The following NDC1 variants were observed in gnomAD, a reference collection of about 807,000 sequenced individuals.
NDC1 encodes NDC1 transmembrane nucleoporin.
NDC1 carries 24 observed loss-of-function variants against 89.8 expected under a neutral mutation model. That is an observed-to-expected ratio of 0.27 (90% CI 0.19 to 0.38). The LOEUF (loss-of-function observed/expected upper bound fraction) is 0.38, where lower values mean the gene tolerates loss of function less well. Ranked by LOEUF, NDC1 falls within the 10% of genes least tolerant of loss-of-function variation. The pLI is 1.00. For missense variants in NDC1, 728 were observed against 797.6 expected (o/e 0.91, Z 1.05); for synonymous variants, 296 against 284.8 (o/e 1.04, Z -0.39).
intron 14 of NDC1, among the ~76,000 whole-genome samples, chr1:53,791,335 C>T (rs572074627): frequency 1.3e-5 from 2 of 151,572 alleles, no homozygotes; most frequent in South Asian, 2.1e-4. Flanking sequence ...AGGAGAATGG[C>T]GTGAACTTGG....
At position 53,804,151 on chromosome 1, in the gene NDC1, CCTTT is replaced by C. The variant is rs201762491; in HGVS notation, c.985-146_985-143del. 2.2e-3 allele frequency: 1,389 copies of C among 620,416 alleles called. 21 individuals carry two copies. The East Asian group carries it at 0.033, about 15-fold the overall frequency. 38.4% of individuals were successfully genotyped at this position (620,416 alleles called of 1,614,324 possible). A position where few individuals can be genotyped will look rare whatever the true frequency, so the allele number is the denominator to read the frequency against. On this transcript the variant is annotated intron_variant, in intron 9 of 17. Transcript: ENST00000371429. ...AAAAAAATCTCAGAACCATAACCTT[CCTTT>C]CTAGACTTCCAGAACTTTCCTGCCT...
At chr1:53,836,987 G>A (rs1174965554) in intron 1 of NDC1, among the ~76,000 whole-genome samples, 1 of 152,148 alleles carries the variant, frequency 6.6e-6, no homozygotes, top group Non-Finnish European at 1.5e-5. Flanking sequence ...TTTTGCTTCA[G>A]AAGACACTGT....
intron 11 of NDC1, among the ~76,000 whole-genome samples, chr1:53,797,823 C>A (rs1157123034): frequency 2.0e-5 from 3 of 151,890 alleles, no homozygotes; most frequent in Admixed American, 1.3e-4. Flanking sequence ...GAGACAGATT[C>A]GCCATGTTTC....
At chr1:53,791,292 G>A (rs567666287) in intron 14 of NDC1, among the ~76,000 whole-genome samples, 1 of 152,252 alleles carries the variant, frequency 6.6e-6, no homozygotes, top group African/African-American at 2.4e-5. Flanking sequence ...GGTGGCAGGT[G>A]CCTGTAGTCC....
chr1:53,822,042 G>T (rs1648684635), intron 5 of NDC1, among the ~76,000 whole-genome samples: 1 of 151,974 alleles, frequency 6.6e-6, no homozygotes, highest in Non-Finnish European at 1.5e-5. Flanking sequence ...TACACTCCTG[G>T]TAACTCACAG....
intron 6 of NDC1, among the ~76,000 whole-genome samples, chr1:53,811,511 G>A (rs1431858492): frequency 6.6e-6 from 1 of 152,040 alleles, no homozygotes; most frequent in Non-Finnish European, 1.5e-5. Flanking sequence ...CCACTTCCCT[G>A]ACAGCCTGCA....
intron 16 of NDC1, among the ~76,000 whole-genome samples, chr1:53,773,945 C>A (rs928339241): frequency 6.6e-6 from 1 of 152,156 alleles, no homozygotes; most frequent in Non-Finnish European, 1.5e-5. Context: ...CTCACCCAAA[C>A]CTCTTTATTT....
At position 53,824,827 on chromosome 1, in the gene NDC1, T is replaced by C. The variant is rs1648791589; in HGVS notation, c.594+971A>G. Among the ~76,000 whole-genome samples, 3 of 152,204 alleles carry C rather than the reference T, an allele frequency of 2.0e-5. No individual in the cohort carries two copies. The South Asian group carries it at 6.2e-4, about 32-fold the overall frequency. ...GAAAATGATAGGAGACAGTAAGTGA[T>C]ATGTTCTAAAATTACTTGCACATCC... is the stretch of plus-strand genomic sequence containing the variant. On this transcript the variant is annotated intron_variant, in intron 5 of 17. Coordinates refer to ENST00000371429, the MANE Select transcript of NDC1 (RefSeq NM_018087.5).
intron 16 of NDC1, among the ~76,000 whole-genome samples, chr1:53,784,595 G>A (rs1235468166): frequency 6.6e-6 from 1 of 152,060 alleles, no homozygotes; most frequent in Non-Finnish European, 1.5e-5. Context: ...GATCAAGATC[G>A]TCCTGGCTAA....
intron 9 of NDC1, 54 bp from the exon 10 acceptor site, chr1:53,804,063 A>C: frequency 7.8e-7 from 1 of 1,276,200 alleles, no homozygotes; most frequent in Non-Finnish European, 1.1e-6. Flanking sequence ...TCTACATAAA[A>C]TCTCACTAAT....
intron 3 of NDC1, 49 bp downstream of exon 3, chr1:53,832,441 G>T: frequency 2.0e-6 from 2 of 985,526 alleles, no homozygotes; most frequent in Non-Finnish European, 3.2e-6. Flanking sequence ...TCTTCCCTTA[G>T]TTAAATAAAT....
Position 53,801,938 on chromosome 1 carries a change from G to C in NDC1, c.1067-1090C>G, listed in dbSNP as rs899951079. On this transcript the variant is annotated intron_variant, in intron 10 of 17. Transcript: ENST00000371429. Reference sequence around the variant, plus strand: ...TGCCCAGCTAATTTTTGTATTTTTAGTAGAGACAGGGTTTCACCATGTTGA... The same window carrying C: ...TGCCCAGCTAATTTTTGTATTTTTACTAGAGACAGGGTTTCACCATGTTGA... Among the ~76,000 whole-genome samples, 4 of 152,078 alleles carry C rather than the reference G, an allele frequency of 2.6e-5. No individual in the cohort carries two copies. In the East Asian group the frequency reaches 7.7e-4, roughly 29 times the overall value.
chr1:53,819,055 T>C lies in NDC1; in HGVS notation c.619A>G (p.Arg207Gly). ...IQQYKFLRFRRSLLLLVKHSC... is the reference protein window; with the variant it reads ...IQQYKFLRFRGSLLLLVKHSC... Reference sequence around the variant, plus strand: ...TGTTTAACTAATAAGAGCAGAGATCTCCTAAAACGCAAGAACTTGTATTGC... The same window carrying C: ...TGTTTAACTAATAAGAGCAGAGATCCCCTAAAACGCAAGAACTTGTATTGC... Residue 207 changes from arginine (R) to glycine (G), a missense_variant, in exon 6 of 18, where the codon AGA (arginine) becomes GGA (glycine). Arg to Gly is a moderately radical substitution (Grantham distance 125). Coordinates refer to ENST00000371429, the MANE Select transcript of NDC1 (RefSeq NM_018087.5). 6.4e-7 allele frequency: 1 copy of C among 1,574,674 alleles called. No homozygotes were observed. The highest frequency in any genetic ancestry group is 8.6e-7 in the Non-Finnish European group (1 of 1,160,590).
rs3766470 is a variant in NDC1, at chr1:53,832,671, T to C, written c.179-80A>G. 340 of 696,906 alleles carry C rather than the reference T, an allele frequency of 4.9e-4. 4 individuals are homozygous for C. In the East Asian group the frequency reaches 8.7e-3, roughly 18 times the overall value. 43.2% of individuals were successfully genotyped at this position (696,906 alleles called of 1,614,324 possible). ...CAGGACACTGCAATATAAAAAGAGC[T>C]TGAACCACAATTGTCATTAATTTTA... is the stretch of plus-strand genomic sequence containing the variant. On this transcript the variant is annotated intron_variant, in intron 2 of 17. Coordinates refer to ENST00000371429, the MANE Select transcript of NDC1 (RefSeq NM_018087.5).
chr1:53,790,376 A>AC (rs201639669), intron 14 of NDC1, among the ~76,000 whole-genome samples: 4 of 146,958 alleles, frequency 2.7e-5, no homozygotes, highest in Non-Finnish European at 6.0e-5. Flanking sequence ...AAAAAAAAAA[A>AC]CCCCAAAAAA....
chr1:53,779,209 A>G (rs1039438277), intron 16 of NDC1, among the ~76,000 whole-genome samples: 8 of 151,678 alleles, frequency 5.3e-5, no homozygotes, highest in Admixed American at 2.0e-4. Flanking sequence ...AGCACCTAGT[A>G]TGGGTCACAC....
intron 4 of NDC1, among the ~76,000 whole-genome samples, chr1:53,826,704 G>A (rs572235793): frequency 6.6e-6 from 1 of 152,050 alleles, no homozygotes; most frequent in Non-Finnish European, 1.5e-5. Flanking sequence ...TGAGATATCT[G>A]GGGGTATACA....
At chr1:53,787,116 G>T (rs759515575) in intron 16 of NDC1, 42 bp downstream of exon 16, 1 of 1,005,900 alleles carries the variant, frequency 9.9e-7, no homozygotes, top group Admixed American at 2.1e-5. Context: ...GGGTGGGAGG[G>T]GAAGATGACC....
At chr1:53,818,159 G>A (rs531153007) in intron 6 of NDC1, among the ~76,000 whole-genome samples, 8 of 152,126 alleles carry the variant, frequency 5.3e-5, no homozygotes, top group East Asian at 1.9e-4. Flanking sequence ...ATCTTAGGCC[G>A]GGCGTGGTGG....
Sources: gnomAD v4.1 joint callset for allele counts (sites outside exome capture counted in the v4.1 genomes callset) on GRCh38, gnomAD v4.1.1 for gene constraint, MANE v1.5 for transcripts, NCBI Gene and HGNC (gene_info 2026-07-23, HGNC 2026-07-21) for gene names.